LAMA2: variants seen among roughly 807,000 people sequenced by gnomAD.
The protein encoded by LAMA2 is laminin subunit alpha-2.
Under a neutral mutation model 364.8 loss-of-function variants are expected in LAMA2, and 269 were observed. That is an observed-to-expected ratio of 0.74 (90% CI 0.67 to 0.82). LAMA2 has a LOEUF of 0.82. LAMA2 is among the 40% of genes least tolerant of loss of function. The probability of loss-of-function intolerance (pLI) is 0.00; values close to 1 mark genes in which losing one functional copy is unlikely to be tolerated. For missense variants in LAMA2, 3,807 were observed against 3,873.2 expected (o/e 0.98, Z 0.45); for synonymous variants, 1,379 against 1,370.6 (o/e 1.01, Z -0.14).
intron 32 of LAMA2, among the ~76,000 whole-genome samples, chr6:129,361,147 A>G (rs1183288602): frequency 6.6e-6 from 1 of 152,226 alleles, no homozygotes; most frequent in Non-Finnish European, 1.5e-5. Flanking sequence ...AGGTGAAAAA[A>G]GAGCAAATTG....
intron 37 of LAMA2, among the ~76,000 whole-genome samples, chr6:129,399,204 C>T (rs796706772): frequency 1.8e-4 from 27 of 152,266 alleles, no homozygotes; most frequent in African/African-American, 6.0e-4. Context: ...TTCTACCACT[C>T]TGTAGAATAT....
At chr6:128,953,973 A>G (rs530013561) in intron 1 of LAMA2, among the ~76,000 whole-genome samples, 56 of 152,242 alleles carry the variant, frequency 3.7e-4, no homozygotes, top group African/African-American at 1.3e-3. Context: ...AAGTTTAGGG[A>G]TCAAATTGTA....
intron 27 of LAMA2, 73 bp from the exon 28 acceptor site, chr6:129,320,465 G>A: frequency 1.1e-6 from 1 of 888,824 alleles, no homozygotes; most frequent in Non-Finnish European, 1.9e-6. Flanking sequence ...GGATATTGCT[G>A]TAGGATTGAT....
At chr6:129,487,984 A>G (rs1784678455) in intron 56 of LAMA2, among the ~76,000 whole-genome samples, 1 of 152,162 alleles carries the variant, frequency 6.6e-6, no homozygotes, top group Admixed American at 6.6e-5. Context: ...ACAAACTTTA[A>G]TCCTTTTCAT....
chr6:128,966,610 TA>T (rs1301750987), intron 1 of LAMA2, among the ~76,000 whole-genome samples: 4 of 139,412 alleles, frequency 2.9e-5, no homozygotes, highest in Non-Finnish European at 6.2e-5. Flanking sequence ...AGGCCACATT[TA>T]GCTGAATAGA....
chr6:128,984,173 C>CTCCATAG (rs1328099945), intron 1 of LAMA2, among the ~76,000 whole-genome samples: 1 of 152,152 alleles, frequency 6.6e-6, no homozygotes, highest in African/African-American at 2.4e-5. Flanking sequence ...TTTCCCCATG[C>CTCCATAG]TCCATAGATC....
chr6:128,986,902 A>G (rs1783274223), intron 1 of LAMA2, among the ~76,000 whole-genome samples: 1 of 152,084 alleles, frequency 6.6e-6, no homozygotes, highest in Non-Finnish European at 1.5e-5. Context: ...TTCAGAGACT[A>G]GACTCTCTAG....
At chr6:128,911,510 C>T (rs9321139) in intron 1 of LAMA2, among the ~76,000 whole-genome samples, 84,041 of 151,630 alleles carry the variant, frequency 0.55, 26,161 homozygotes, top group East Asian at 0.81. Context: ...GCACGGTGCG[C>T]GCACCCACTG....
chr6:128,983,214 T>A (rs2114643260), intron 1 of LAMA2, among the ~76,000 whole-genome samples: 1 of 152,186 alleles, frequency 6.6e-6, no homozygotes, highest in Admixed American at 6.5e-5. Context: ...GTTGAACTAG[T>A]TTACAGTCCC....
At chr6:129,069,385 TTATATA>T (rs1773153949) in intron 3 of LAMA2, among the ~76,000 whole-genome samples, 1 of 148,350 alleles carries the variant, frequency 6.7e-6, no homozygotes, top group Admixed American at 6.8e-5. Context: ...ATCATATTTG[TTATATA>T]TATTATATAT....
intron 4 of LAMA2, among the ~76,000 whole-genome samples, chr6:129,129,696 G>A (rs968398008): frequency 1.3e-5 from 2 of 151,916 alleles, no homozygotes; most frequent in Non-Finnish European, 2.9e-5. Context: ...AGGCCGAGGC[G>A]GGCGGATCAC....
At chr6:129,394,231 A>G (rs1779483663) in intron 37 of LAMA2, among the ~76,000 whole-genome samples, 1 of 152,248 alleles carries the variant, frequency 6.6e-6, no homozygotes, top group African/African-American at 2.4e-5. Flanking sequence ...CCAACAGGTC[A>G]GAAAACAGCA....
intron 34 of LAMA2, among the ~76,000 whole-genome samples, chr6:129,382,811 C>T (rs184838507): frequency 6.6e-6 from 1 of 152,286 alleles, no homozygotes; most frequent in African/African-American, 2.4e-5. Context: ...CCATTAAGGA[C>T]TTTTGGCATC....
At chr6:129,152,703 G>A (rs1406070933) in intron 7 of LAMA2, among the ~76,000 whole-genome samples, 1 of 152,118 alleles carries the variant, frequency 6.6e-6, no homozygotes, top group African/African-American at 2.4e-5. Context: ...TAACATTAGA[G>A]CGCCTCCCTC....
intron 1 of LAMA2, among the ~76,000 whole-genome samples, chr6:129,044,627 T>C (rs1047266748): frequency 2.0e-5 from 3 of 151,642 alleles, no homozygotes; most frequent in Non-Finnish European, 2.9e-5. Flanking sequence ...TAATCTCTAA[T>C]AAAATACATA....
chr6:129,515,371 C>T (rs1300793430), intron 64 of LAMA2, among the ~76,000 whole-genome samples: 1 of 152,214 alleles, frequency 6.6e-6, no homozygotes, highest in East Asian at 1.9e-4. Flanking sequence ...ACGACAGCTC[C>T]TCTTTCCAAA....
Position 129,280,044 on chromosome 6 carries a change from C to T in LAMA2, c.2451-17C>T. 6.3e-7 allele frequency: 1 copy of T among 1,578,272 alleles called. No individual in the cohort carries two copies. The highest frequency in any genetic ancestry group is 2.2e-5 in the East Asian group (1 of 44,698). On this transcript the variant is annotated splice_polypyrimidine_tract_variant and intron_variant, in intron 17 of 64. Coordinates refer to ENST00000421865, the MANE Select transcript of LAMA2 (RefSeq NM_000426.4). ...CCTTCTTCCTTGTCCCTGTTTTCCG[C>T]AACAACATCAACATAGCTTTAGCCC... is the stretch of plus-strand genomic sequence containing the variant.
At chr6:129,202,049 A>G (rs1244903706) in intron 12 of LAMA2, among the ~76,000 whole-genome samples, 1 of 151,836 alleles carries the variant, frequency 6.6e-6, no homozygotes, top group Non-Finnish European at 1.5e-5. Context: ...TTAGCTGGGC[A>G]TGGTGGTGCA....
chr6:129,167,853 A>T (rs1779861537), intron 9 of LAMA2, among the ~76,000 whole-genome samples: 1 of 150,670 alleles, frequency 6.6e-6, no homozygotes, highest in South Asian at 2.1e-4. Flanking sequence ...AATGATTGCC[A>T]TTCTAACTGG....
Sources: allele counts gnomAD v4.1 joint callset (sites outside exome capture counted in the v4.1 genomes callset), GRCh38; gene constraint gnomAD v4.1.1; transcripts MANE v1.5; gene names NCBI Gene and HGNC (gene_info 2026-07-23, HGNC 2026-07-21).